The following NAB1 variants were observed in gnomAD, a reference collection of about 807,000 sequenced individuals.
The protein encoded by NAB1 is NGFI-A binding protein 1, also known as NGFI-A-binding protein 1.
In NAB1, 25 loss-of-function variants were observed where a neutral mutation model predicts 49.9. The ratio of observed to expected loss-of-function variants is 0.50; its 90% CI spans 0.37 to 0.70. The LOEUF (loss-of-function observed/expected upper bound fraction) is 0.70, where lower values mean the gene tolerates loss of function less well. Ranked by LOEUF, NAB1 falls within the 30% of genes least tolerant of loss-of-function variation. NAB1 has a pLI of 0.00. For missense variants in NAB1, 489 were observed against 575.9 expected (o/e 0.85, Z 1.54); for synonymous variants, 198 against 215.6 (o/e 0.92, Z 0.71).
In NAB1 at chr2:190,691,281, TTC is replaced by T. The variant is rs1695925090; in HGVS notation, c.*952_*953del. Reference sequence around the variant, plus strand: ...AGTACTATTTTATATCCAGAAAGTCTTCTCTATGTAGAGAAGTCAGAGAGACT... The same window carrying T: ...AGTACTATTTTATATCCAGAAAGTCTTCTATGTAGAGAAGTCAGAGAGACT... On this transcript the variant is annotated 3_prime_UTR_variant, in exon 10 of 10. Coordinates refer to ENST00000337386, the MANE Select transcript of NAB1 (RefSeq NM_005966.4). The surrounding 1 kb of genome is among the most constrained non-coding windows in gnomAD (Gnocchi z 4.1). 6.6e-6 allele frequency: 1 copy of T among 152,532 alleles called. No individual in the cohort carries two copies. The highest frequency in any genetic ancestry group is 1.5e-5 in the Non-Finnish European group (1 of 67,964). 9.4% of individuals were successfully genotyped at this position (152,532 alleles called of 1,614,324 possible). A position where few individuals can be genotyped will look rare whatever the true frequency, so the allele number is the denominator to read the frequency against.
rs537005789 is a variant in NAB1 at position 190,663,661 on chromosome 2, T to G, written c.819+3666T>G. Among the ~76,000 whole-genome samples, 1 of 152,352 alleles carries G rather than the reference T, an allele frequency of 6.6e-6. No homozygotes were observed. Among genetic ancestry groups the G allele is most frequent in the East Asian group, 1.9e-4 (1 of 5,190 alleles). On this transcript the variant is annotated intron_variant, in intron 4 of 9. Coordinates refer to ENST00000337386, the MANE Select transcript of NAB1 (RefSeq NM_005966.4). This position sits in a 1 kb window ranked among gnomAD's most constrained non-coding sequence, Gnocchi z 4.2. ...TGCTTGTGCTGTACACGTGTATATA[T>G]TTGTCTCCTCTCTTAGTTATTTTAT... is the stretch of plus-strand genomic sequence containing the variant.
At position 190,689,225 on chromosome 2, in the gene NAB1, G is replaced by C. The variant is rs2125895727; in HGVS notation, c.1376-1020G>C. On this transcript the variant is annotated intron_variant, in intron 9 of 9. Coordinates refer to ENST00000337386, the MANE Select transcript of NAB1 (RefSeq NM_005966.4). The surrounding 1 kb of genome is among the most constrained non-coding windows in gnomAD (Gnocchi z 4.3). ...CACCGATACTTGACTGAGTGACCCT[G>C]ACTGAGTTACTTAAGTACTCGTCCT... Among the ~76,000 whole-genome samples, 1 of 152,286 alleles carries C rather than the reference G, an allele frequency of 6.6e-6. No individual in the cohort carries two copies. Among genetic ancestry groups the C allele is most frequent in the East Asian group, 1.9e-4 (1 of 5,182 alleles).
rs1159921798 is a variant in NAB1 at position 190,679,014 on chromosome 2, C to T, written c.1006-4724C>T. On this transcript the variant is annotated intron_variant, in intron 6 of 9. Coordinates refer to ENST00000337386, the MANE Select transcript of NAB1 (RefSeq NM_005966.4). The surrounding 1 kb of genome is among the most constrained non-coding windows in gnomAD (Gnocchi z 5.3). ...GAGAGTAATTAGGTCATGCACCAGC[C>T]TCCGTCCCATAGCTTTTATTTTCTC... 6.6e-6 allele frequency among the ~76,000 whole-genome samples: 1 copy of T among 152,142 alleles called. No individual in the cohort carries two copies. Among genetic ancestry groups the T allele is most frequent in the Non-Finnish European group, 1.5e-5 (1 of 68,032 alleles).
rs34490155 is a variant in NAB1 at position 190,666,143 on chromosome 2, G to GT, written c.820-4173dup. Among the ~76,000 whole-genome samples, 159 of 148,978 alleles carry GT rather than the reference G, an allele frequency of 1.1e-3. 1 individual carries two copies. The highest frequency in any genetic ancestry group is 6.9e-3 in the Middle Eastern group (2 of 290). On this transcript the variant is annotated intron_variant, in intron 4 of 9. Coordinates refer to ENST00000337386, the MANE Select transcript of NAB1 (RefSeq NM_005966.4). This position sits in a 1 kb window ranked among gnomAD's most constrained non-coding sequence, Gnocchi z 5.6. ...CTCCCTATTTTATTTAACATTTTTA[G>GT]TTTTTTTTTTCTGAGAGGGGCCAGT...
Position 190,659,815 on chromosome 2 carries a change from T to G in NAB1, c.639T>G (p.Ser213Arg). ...VERMAPTLPKSDLNEVKELLK... is the reference protein window; with the variant it reads ...VERMAPTLPKRDLNEVKELLK... The stretch of plus-strand genomic sequence containing the variant: ...GGATGGCCCCCACACTGCCAAAAAG[T>G]GACTTGAATGAAGTGAAAGAGCTGC... The change falls in exon 4 of 10, where the codon AGT becomes AGG. Residue 213 changes from serine to arginine, a missense_variant. Ser to Arg is a moderately radical substitution (Grantham distance 110). Transcript: ENST00000337386. This position sits in a 1 kb window ranked among gnomAD's most constrained non-coding sequence, Gnocchi z 6.2. The G allele has an allele frequency of 1.2e-6, 2 of 1,614,152 alleles. No homozygotes were observed. Among genetic ancestry groups the G allele is most frequent in the Non-Finnish European group, 1.7e-6 (2 of 1,180,024 alleles).
intron 4 of NAB1, among the ~76,000 whole-genome samples, chr2:190,664,909 A>AT (rs896677472): frequency 5.2e-4 from 79 of 151,724 alleles, no homozygotes; most frequent in African/African-American, 1.0e-3. Flanking sequence ...AATATTTTGG[A>AT]TTTTTTTCCA....
chr2:190,668,778 A>G (rs1227090269), intron 4 of NAB1, among the ~76,000 whole-genome samples: 1 of 152,324 alleles, frequency 6.6e-6, no homozygotes, highest in East Asian at 1.9e-4. Flanking sequence ...GGGTGACTAC[A>G]GTAGTCCCCT....
At chr2:190,672,236 A>C (rs1009289389) in intron 5 of NAB1, among the ~76,000 whole-genome samples, 1 of 152,138 alleles carries the variant, frequency 6.6e-6, no homozygotes, top group South Asian at 2.1e-4. Context: ...ATTGATGGCT[A>C]CTGGGGTTGT....
At position 190,649,853 on chromosome 2, in the gene NAB1, A is replaced by G. The variant is rs1178087421; in HGVS notation, c.-326A>G. On this transcript the variant is annotated 5_prime_UTR_variant, in exon 2 of 10. Transcript: ENST00000337386. This position sits in a 1 kb window ranked among gnomAD's most constrained non-coding sequence, Gnocchi z 6.1. ...TAGTTTTCTTTTTAAAAGCGGAAGG[A>G]GAGTTTTACATGGAAGTGGCTTACA... 2 of 152,224 alleles carry G rather than the reference A, an allele frequency of 1.3e-5. No homozygotes were observed. Among genetic ancestry groups the G allele is most frequent in the East Asian group, 3.8e-4 (2 of 5,196 alleles). 9.4% of individuals were successfully genotyped at this position (152,224 alleles called of 1,614,324 possible). A position where few individuals can be genotyped will look rare whatever the true frequency, so the allele number is the denominator to read the frequency against.
chr2:190,650,453 G>A (rs754839773), intron 2 of NAB1, among the ~76,000 whole-genome samples: 1 of 152,164 alleles, frequency 6.6e-6, no homozygotes, highest in Non-Finnish European at 1.5e-5. Context: ...CAGAGGAGCC[G>A]AATTTAAAAT....
At chr2:190,661,219 C>G (rs1019591901) in intron 4 of NAB1, among the ~76,000 whole-genome samples, 1 of 152,214 alleles carries the variant, frequency 6.6e-6, no homozygotes, top group African/African-American at 2.4e-5. Flanking sequence ...GTATGAGCCA[C>G]TGTACCTAGC....
chr2:190,662,839 G>A (rs536846145), intron 4 of NAB1, among the ~76,000 whole-genome samples: 17 of 152,290 alleles, frequency 1.1e-4, no homozygotes, highest in South Asian at 2.1e-4. Context: ...TGTAGTCAGC[G>A]GGTAACTGTA....
At chr2:190,660,298 T>G (rs1289164798) in intron 4 of NAB1, among the ~76,000 whole-genome samples, 1 of 150,974 alleles carries the variant, frequency 6.6e-6, no homozygotes, top group South Asian at 2.1e-4. Context: ...AGGCTGTTTG[T>G]TTTTTAATTA....
chr2:190,670,692 G>T lies in NAB1; in HGVS notation c.953+233G>T, dbSNP rs1387263514. Among the ~76,000 whole-genome samples the T allele has an allele frequency of 4.6e-5, 7 of 152,132 alleles. No individual in the cohort carries two copies. The highest frequency in any genetic ancestry group is 1.7e-4 in the African/African-American group (7 of 41,428). On this transcript the variant is annotated intron_variant, in intron 5 of 9. Coordinates refer to ENST00000337386, the MANE Select transcript of NAB1 (RefSeq NM_005966.4). The surrounding 1 kb of genome is among the most constrained non-coding windows in gnomAD (Gnocchi z 5.3). ...TCTCTAGTTACTATAGCATTGTTCT[G>T]GTAGTGGTTTTAAACATTCTTCTCT...
At chr2:190,687,589 C>G (rs1695683575) in intron 9 of NAB1, among the ~76,000 whole-genome samples, 1 of 152,060 alleles carries the variant, frequency 6.6e-6, no homozygotes, top group African/African-American at 2.4e-5. Flanking sequence ...AGTCCAAAAT[C>G]TGAAAAAGCT....
intron 2 of NAB1, among the ~76,000 whole-genome samples, chr2:190,653,016 GT>G (rs1693744767): frequency 6.6e-6 from 1 of 152,164 alleles, no homozygotes; most frequent in Non-Finnish European, 1.5e-5. Context: ...TATTTTTTGT[GT>G]GGCCCAAGAC....
chr2:190,668,827 A>T (rs1414383371), intron 4 of NAB1, among the ~76,000 whole-genome samples: 1 of 152,196 alleles, frequency 6.6e-6, no homozygotes, highest in Non-Finnish European at 1.5e-5. Flanking sequence ...CCCCAGTTGG[A>T]TGCCTGAAAC....
chr2:190,660,042 C>G, intron 4 of NAB1, 47 bp downstream of exon 4: 3 of 1,523,750 alleles, frequency 2.0e-6, no homozygotes, highest in Middle Eastern at 1.7e-4. Context: ...TGGCATGTTG[C>G]TAGTCGTTAG....
intron 2 of NAB1, 138 bp from the exon 3 acceptor site, chr2:190,655,839 G>A (rs537639327): frequency 6.6e-6 from 1 of 152,338 alleles, no homozygotes; most frequent in Non-Finnish European, 1.5e-5. Flanking sequence ...CCTGTAAGGA[G>A]CCAAAGTGAA....
Sources: allele counts gnomAD v4.1 joint callset (sites outside exome capture counted in the v4.1 genomes callset), GRCh38; gene constraint gnomAD v4.1.1; non-coding constraint Gnocchi (gnomAD v3.1); transcripts MANE v1.5; gene names NCBI Gene and HGNC (gene_info 2026-07-23, HGNC 2026-07-21).